The following DNPH1 variants were observed in gnomAD, a reference collection of about 807,000 sequenced individuals.
DNPH1 encodes 5-hydroxymethyl-dUMP N-hydrolase.
DNPH1 carries 18 observed loss-of-function variants against 15.7 expected under a neutral mutation model. The observed-to-expected ratio is 1.15, with a 90% CI of 0.79 to 1.70. The LOEUF (loss-of-function observed/expected upper bound fraction) is 1.70. Among genes scored for constraint, DNPH1 ranks in the 40% most tolerant of loss-of-function variants. The pLI, the probability that DNPH1 is intolerant of heterozygous loss-of-function variation, is 0.00. For synonymous variants in DNPH1, 114 were observed against 107.9 expected (o/e 1.06, Z -0.35); for missense variants, 262 against 255.2 (o/e 1.03, Z -0.18).
In DNPH1 at chr6:43,229,264, G is replaced by T; in HGVS notation, c.193C>A (p.Arg65Ser). The T allele has an allele frequency of 7.0e-7, 1 of 1,422,060 alleles. No homozygotes were observed. 88.1% of individuals were successfully genotyped at this position (1,422,060 alleles called of 1,614,324 possible). A position where few individuals can be genotyped will look rare whatever the true frequency, so the allele number is the denominator to read the frequency against. ...EHVAAAELGA[R>S]GEEAAGGDRL... The stretch of plus-strand genomic sequence containing the variant: ...TCCCGCGGCCCCAGGGCCTCACCGC[G>T]CGCGCCCAGCTCGGCGGCCGCCACG... Residue 65 changes from arginine (R) to serine (S), a missense_variant, in exon 1 of 4, where the codon CGC (arginine) becomes AGC (serine). By Grantham distance (110) the Arg-to-Ser change is moderately radical. Coordinates refer to ENST00000230431, the MANE Select transcript of DNPH1 (RefSeq NM_006443.3).
chr6:43,227,142 C>T (rs1034126764), intron 1 of DNPH1, among the ~76,000 whole-genome samples: 3 of 151,090 alleles, frequency 2.0e-5, no homozygotes, highest in East Asian at 3.9e-4. Context: ...TCGGGCCAGG[C>T]GCGGTGGCTC....
At position 43,226,453 on chromosome 6, in the gene DNPH1, A is replaced by G. The variant is rs1304516129; in HGVS notation, c.197-58T>C. 2 of 1,504,280 alleles carry G rather than the reference A, an allele frequency of 1.3e-6. No homozygotes were observed. The highest frequency in any genetic ancestry group is 2.4e-5 in the East Asian group (1 of 42,280). The allele number at this position is 1,504,280 out of a possible 1,614,324, so 93.2% of individuals were successfully genotyped here. The stretch of plus-strand genomic sequence containing the variant: ...CTCATGCTGGCTCCCAGTAACTCCT[A>G]TGCCCTTGTATGTCCATACCCACCC... On this transcript the variant is annotated intron_variant, in intron 1 of 3. Coordinates refer to ENST00000230431, the MANE Select transcript of DNPH1 (RefSeq NM_006443.3). This position sits in a 1 kb window ranked among gnomAD's most constrained non-coding sequence, Gnocchi z 4.1.
rs367621363 is a variant in DNPH1, at chr6:43,225,957, G to A, written c.376+76C>T. On this transcript the variant is annotated intron_variant, in intron 3 of 3. Coordinates refer to ENST00000230431, the MANE Select transcript of DNPH1 (RefSeq NM_006443.3). Reference sequence around the variant, plus strand: ...CTCCCTTACCCCTTGGGAGAGGCGCGGTGCTCAGAGCCCACCAGGGAAGGA... The same window carrying A: ...CTCCCTTACCCCTTGGGAGAGGCGCAGTGCTCAGAGCCCACCAGGGAAGGA... 2.2e-5 allele frequency: 35 copies of A among 1,613,216 alleles called. 1 individual carries two copies. Among genetic ancestry groups the A allele is most frequent in the Non-Finnish European group, 2.5e-5 (30 of 1,179,420 alleles).
intron 1 of DNPH1, among the ~76,000 whole-genome samples, chr6:43,227,636 T>C (rs188231505): frequency 2.7e-4 from 41 of 151,982 alleles, no homozygotes; most frequent in African/African-American, 9.6e-4. Context: ...TTTAAAGAGG[T>C]CTCCCAGAAT....
Position 43,229,373 on chromosome 6 carries a change from G to T in DNPH1, c.84C>A (p.Ser28Arg). Residue 28 changes from serine (S) to arginine (R), a missense_variant, in exon 1 of 4, where the codon AGC (serine) becomes AGA (arginine). Ser to Arg is a moderately radical substitution (Grantham distance 110, BLOSUM62 -1). Transcript: ENST00000230431. ...PGRPALYFCG[S>R]IRGGREDRTL... ...TCCTGTCCTCGCGTCCGCCGCGAAT[G>T]CTCCCGCAGAAGTACAGGGCCGGGC... 1 of 1,486,384 alleles carries T rather than the reference G, an allele frequency of 6.7e-7. No individual in the cohort carries two copies. The highest frequency in any genetic ancestry group is 8.9e-7 in the Non-Finnish European group (1 of 1,120,154). The allele number at this position is 1,486,384 out of a possible 1,614,324, so 92.1% of individuals were successfully genotyped here. A position where few individuals can be genotyped will look rare whatever the true frequency, so the allele number is the denominator to read the frequency against.
chr6:43,228,198 A>G (rs1351162897), intron 1 of DNPH1, among the ~76,000 whole-genome samples: 1 of 152,094 alleles, frequency 6.6e-6, no homozygotes, highest in African/African-American at 2.4e-5. Context: ...GCTCACATCT[A>G]TAGTCCCAGC....
In DNPH1 at chr6:43,229,315, G is replaced by A. The variant is rs548815969; in HGVS notation, c.142C>T (p.Arg48Ter). The change falls in exon 1 of 4, where the codon CGA becomes TGA. Residue 48 changes from arginine (R) to a stop codon, truncating the protein, a stop_gained. Coordinates refer to ENST00000230431, the MANE Select transcript of DNPH1 (RefSeq NM_006443.3). LOFTEE classifies it high-confidence loss of function. ...TGCTCGGTGAGCACTGTCCCGAATC[G>A]CCGCAGCCGAGACACGATCCGCTCG... is the stretch of plus-strand genomic sequence containing the variant. ...LYERIVSRLR[R>*]FGTVLTEHVA... 23 of 1,484,240 alleles carry A rather than the reference G, an allele frequency of 1.5e-5. No individual in the cohort carries two copies. The South Asian group carries it at 2.6e-4, about 17-fold the overall frequency. The allele number at this position is 1,484,240 out of a possible 1,614,324, so 91.9% of individuals were successfully genotyped here.
chr6:43,226,450 C>CCTATGCCCTT lies in DNPH1; in HGVS notation c.197-65_197-56dup. 1 of 1,542,790 alleles carries CCTATGCCCTT rather than the reference C, an allele frequency of 6.5e-7. No individual in the cohort carries two copies. On this transcript the variant is annotated intron_variant, in intron 1 of 3. Coordinates refer to ENST00000230431, the MANE Select transcript of DNPH1 (RefSeq NM_006443.3). The surrounding 1 kb of genome is among the most constrained non-coding windows in gnomAD (Gnocchi z 4.1). ...TGCCTCATGCTGGCTCCCAGTAACT[C>CCTATGCCCTT]CTATGCCCTTGTATGTCCATACCCA...
rs2233825 is a variant in DNPH1 at position 43,226,021 on chromosome 6, T to G, written c.376+12A>C. On this transcript the variant is annotated intron_variant, in intron 3 of 3. Coordinates refer to ENST00000230431, the MANE Select transcript of DNPH1 (RefSeq NM_006443.3). This position sits in a 1 kb window ranked among gnomAD's most constrained non-coding sequence, Gnocchi z 4.1. The stretch of plus-strand genomic sequence containing the variant: ...TCCATAGAAAGCCAGGAGGGAGGCT[T>G]GGGGTGCTCACCGCGGCCAGACTGC... 1,590 of 1,613,732 alleles carry G rather than the reference T, an allele frequency of 9.9e-4. 13 individuals carry two copies. In the African/African-American group the frequency reaches 0.018, roughly 18 times the overall value.
intron 1 of DNPH1, among the ~76,000 whole-genome samples, chr6:43,227,847 T>C (rs555074633): frequency 2.6e-5 from 4 of 152,148 alleles, no homozygotes; most frequent in South Asian, 2.1e-4. Context: ...CCCAACACTT[T>C]GGGAGGCTGA....
intron 3 of DNPH1, 39 bp downstream of exon 3, chr6:43,225,994 G>T (rs766488725): frequency 5.0e-6 from 8 of 1,613,344 alleles, no homozygotes; most frequent in Non-Finnish European, 6.8e-6. Flanking sequence ...CTGAGGGCTG[G>T]GTCCATAGAA....
chr6:43,227,829 T>TCTGTA lies in DNPH1; in HGVS notation c.196+1427_196+1431dup, dbSNP rs575712011. On this transcript the variant is annotated intron_variant, in intron 1 of 3. Transcript: ENST00000230431. The stretch of plus-strand genomic sequence containing the variant: ...ATCCAGCCAGACTCAGCGGCTCATG[T>TCTGTA]CTGTAATCCCAACACTTTGGGAGGC... 1.2e-4 allele frequency among the ~76,000 whole-genome samples: 18 copies of TCTGTA among 151,968 alleles called. No individual in the cohort carries two copies. In the East Asian group the frequency reaches 3.5e-3, roughly 30 times the overall value.
At chr6:43,225,955 G>C (rs370335486) in intron 3 of DNPH1, 74 bp from the exon 4 acceptor site, 31 of 1,613,206 alleles carry the variant, frequency 1.9e-5, no homozygotes, top group African/African-American at 2.7e-5. Context: ...TGGGAGAGGC[G>C]CGGTGCTCAG....
Position 43,229,310 on chromosome 6 carries a change from G to C in DNPH1, c.147C>G (p.Phe49Leu). The change falls in exon 1 of 4, where the codon TTC becomes TTG. Residue 49 changes from phenylalanine (F) to leucine (L), a missense_variant. Phe to Leu is a conservative substitution (Grantham distance 22). Transcript: ENST00000230431. Reference sequence around the variant, plus strand: ...CCACGTGCTCGGTGAGCACTGTCCCGAATCGCCGCAGCCGAGACACGATCC... The same window carrying C: ...CCACGTGCTCGGTGAGCACTGTCCCCAATCGCCGCAGCCGAGACACGATCC... ...YERIVSRLRR[F>L]GTVLTEHVAA... 6.7e-7 allele frequency: 1 copy of C among 1,482,992 alleles called. No homozygotes were observed. Among genetic ancestry groups the C allele is most frequent in the Non-Finnish European group, 8.9e-7 (1 of 1,119,848 alleles). The allele number at this position is 1,482,992 out of a possible 1,614,324, so 91.9% of individuals were successfully genotyped here. A position where few individuals can be genotyped will look rare whatever the true frequency, so the allele number is the denominator to read the frequency against.
chr6:43,226,089 C>G lies in DNPH1; in HGVS notation c.320G>C (p.Arg107Pro). The G allele has an allele frequency of 6.2e-7, 1 of 1,613,640 alleles. No homozygotes were observed. Among genetic ancestry groups the G allele is most frequent in the Admixed American group, 1.7e-5 (1 of 60,024 alleles). ...GATCCGCTTGTTAAAGGCCACGGCC[C>G]GGCCCAGCTCATAGCCTACACCCAA... ...PSLGVGYELG[R>P]AVAFNKRILC... is the part of the protein sequence containing the mutation. The change falls in exon 3 of 4, where the codon CGG becomes CCG. Residue 107 changes from arginine to proline, a missense_variant. By Grantham distance (103) the Arg-to-Pro change is moderately radical. Coordinates refer to ENST00000230431, the MANE Select transcript of DNPH1 (RefSeq NM_006443.3). This position sits in a 1 kb window ranked among gnomAD's most constrained non-coding sequence, Gnocchi z 4.1.
rs1320133074 is a variant in DNPH1 at position 43,229,275 on chromosome 6, T to G, written c.182A>C (p.Glu61Ala). The change falls in exon 1 of 4, where the codon GAG becomes GCG. Residue 61 changes from glutamate to alanine, a missense_variant. Glu to Ala is a moderately radical substitution (Grantham distance 107, BLOSUM62 -1). Transcript: ENST00000230431. ...TVLTEHVAAA[E>A]LGARGEEAAG... ...CAGGGCCTCACCGCGCGCGCCCAGC[T>G]CGGCGGCCGCCACGTGCTCGGTGAG... 8 of 1,431,248 alleles carry G rather than the reference T, an allele frequency of 5.6e-6. No homozygotes were observed. In the African/African-American group the frequency reaches 8.9e-5, roughly 16 times the overall value. 88.7% of individuals were successfully genotyped at this position (1,431,248 alleles called of 1,614,324 possible).
In DNPH1 at chr6:43,226,562, C is replaced by A; in HGVS notation, c.197-167G>T. ...CAAAGCAGCGAGGAAATGGAATAGC[C>A]ACAAAAAGAAAAATTCAACCCTATG... On this transcript the variant is annotated intron_variant, in intron 1 of 3. Transcript: ENST00000230431. This position sits in a 1 kb window ranked among gnomAD's most constrained non-coding sequence, Gnocchi z 4.1. The A allele has an allele frequency of 1.6e-6, 1 of 619,818 alleles. No homozygotes were observed. The highest frequency in any genetic ancestry group is 2.8e-6 in the Non-Finnish European group (1 of 361,118). 38.4% of individuals were successfully genotyped at this position (619,818 alleles called of 1,614,324 possible). A position where few individuals can be genotyped will look rare whatever the true frequency, so the allele number is the denominator to read the frequency against.
chr6:43,229,368 C>A lies in DNPH1; in HGVS notation c.89G>T (p.Arg30Leu). 1 of 1,486,142 alleles carries A rather than the reference C, an allele frequency of 6.7e-7. No individual in the cohort carries two copies. The allele number at this position is 1,486,142 out of a possible 1,614,324, so 92.1% of individuals were successfully genotyped here. The change falls in exon 1 of 4, where the codon CGC (arginine) becomes CTC (leucine). Residue 30 changes from arginine (R) to leucine (L), a missense_variant. Transcript: ENST00000230431. ...RPALYFCGSIRGGREDRTLYE... is the reference protein window; with the variant it reads ...RPALYFCGSILGGREDRTLYE... ...CAGCGTCCTGTCCTCGCGTCCGCCG[C>A]GAATGCTCCCGCAGAAGTACAGGGC...
intron 3 of DNPH1, 43 bp from the exon 4 acceptor site, chr6:43,225,924 C>G: frequency 6.2e-7 from 1 of 1,614,064 alleles, no homozygotes; most frequent in South Asian, 1.1e-5. Context: ...CCATCCACAC[C>G]CTCACAGCTC....
Sources: allele counts gnomAD v4.1 joint callset (sites outside exome capture counted in the v4.1 genomes callset), GRCh38; gene constraint gnomAD v4.1.1; non-coding constraint Gnocchi (gnomAD v3.1); transcripts MANE v1.5; gene names NCBI Gene and HGNC (gene_info 2026-07-23, HGNC 2026-07-21).